The following TNIK variants were observed in gnomAD, a reference collection of about 807,000 sequenced individuals.
TNIK encodes TRAF2 and NCK interacting kinase.
Under a neutral mutation model 191.3 loss-of-function variants are expected in TNIK, and 49 were observed. The ratio of observed to expected loss-of-function variants is 0.26; its 90% confidence interval spans 0.20 to 0.32. The LOEUF is 0.32. TNIK is among the 10% of genes least tolerant of loss of function. The probability of loss-of-function intolerance (pLI) is 1.00; values close to 1 mark genes in which losing one functional copy is unlikely to be tolerated. For synonymous variants in TNIK, 594 were observed against 600.9 expected (o/e 0.99, Z 0.17); for missense variants, 1,155 against 1,702.3 (o/e 0.68, Z 5.66).
At chr3:171,075,692 A>G (rs1430652234) in intron 28 of TNIK, among the ~76,000 whole-genome samples, 6 of 151,626 alleles carry the variant, frequency 4.0e-5, no homozygotes, top group African/African-American at 1.5e-4. Context: ...CTCTGGCCAC[A>G]TACGTTTACA....
chr3:171,259,457 G>C (rs1389748763), intron 2 of TNIK, among the ~76,000 whole-genome samples: 1 of 152,132 alleles, frequency 6.6e-6, no homozygotes, highest in East Asian at 1.9e-4. Flanking sequence ...GTCCAGTCAG[G>C]ACCACTGAAG....
chr3:171,292,775 C>CAAAAAAAAAAA (rs59314303), intron 2 of TNIK, among the ~76,000 whole-genome samples: 3 of 85,056 alleles, frequency 3.5e-5, no homozygotes, highest in Non-Finnish European at 4.5e-5. Flanking sequence ...GACTCCATCT[C>CAAAAAAAAAAA]AAAAAAAAAA....
At chr3:171,293,568 T>C (rs971268592) in intron 2 of TNIK, among the ~76,000 whole-genome samples, 2 of 152,242 alleles carry the variant, frequency 1.3e-5, no homozygotes, top group Non-Finnish European at 1.5e-5. Flanking sequence ...ACCTTTCTAA[T>C]AGTGGCTAGT....
chr3:171,270,026 TCA>T (rs1748887358), intron 2 of TNIK, among the ~76,000 whole-genome samples: 2 of 152,108 alleles, frequency 1.3e-5, no homozygotes, highest in Admixed American at 1.3e-4. Context: ...GAAAATAAAC[TCA>T]CACACCCACA....
intron 2 of TNIK, among the ~76,000 whole-genome samples, chr3:171,298,469 G>A (rs1442521101): frequency 6.6e-6 from 1 of 152,220 alleles, no homozygotes; most frequent in Non-Finnish European, 1.5e-5. Flanking sequence ...GCCCCTTGCA[G>A]TTATGTCAGA....
At chr3:171,246,552 ATC>A (rs1745613946) in intron 2 of TNIK, among the ~76,000 whole-genome samples, 1 of 152,226 alleles carries the variant, frequency 6.6e-6, no homozygotes, top group Non-Finnish European at 1.5e-5. Context: ...TGTTGAAAGT[ATC>A]TATTATTTAA....
At chr3:171,431,519 G>A (rs950269753) in intron 1 of TNIK, among the ~76,000 whole-genome samples, 8 of 151,984 alleles carry the variant, frequency 5.3e-5, no homozygotes, top group Non-Finnish European at 7.4e-5. Flanking sequence ...TACTGTTCTT[G>A]TAATATTCAA....
chr3:171,386,844 A>G (rs1037786302), intron 1 of TNIK, among the ~76,000 whole-genome samples: 1 of 152,180 alleles, frequency 6.6e-6, no homozygotes, highest in African/African-American at 2.4e-5. Context: ...GTGTTCCAGG[A>G]CCTCTGTTGA....
At chr3:171,300,495 C>A (rs1226856586) in intron 2 of TNIK, among the ~76,000 whole-genome samples, 3 of 151,882 alleles carry the variant, frequency 2.0e-5, no homozygotes, top group Non-Finnish European at 2.9e-5. Context: ...ATAAGACCTA[C>A]AAATATGCTG....
chr3:171,130,092 CTGTT>C (rs1245269812), intron 15 of TNIK, among the ~76,000 whole-genome samples: 2 of 152,176 alleles, frequency 1.3e-5, no homozygotes, highest in Non-Finnish European at 2.9e-5. Context: ...ATATTCATGT[CTGTT>C]TGCATATTTT....
chr3:171,287,035 T>C (rs1231470874), intron 2 of TNIK, among the ~76,000 whole-genome samples: 1 of 152,214 alleles, frequency 6.6e-6, no homozygotes, highest in African/African-American at 2.4e-5. Flanking sequence ...AATGTTGTTC[T>C]CATAGAAAAA....
At chr3:171,064,341 TTC>T (rs1463186960) in intron 32 of TNIK, among the ~76,000 whole-genome samples, 1 of 152,184 alleles carries the variant, frequency 6.6e-6, no homozygotes, top group African/African-American at 2.4e-5. Flanking sequence ...GAAGCTTCCC[TTC>T]TCTCACCCTT....
intron 2 of TNIK, among the ~76,000 whole-genome samples, chr3:171,243,706 T>C (rs1410010649): frequency 6.6e-6 from 1 of 152,202 alleles, no homozygotes; most frequent in Non-Finnish European, 1.5e-5. Flanking sequence ...TTTAATGGAT[T>C]TTACTCCTAG....
chr3:171,076,544 C>T (rs1024007660), intron 28 of TNIK, among the ~76,000 whole-genome samples: 2 of 152,302 alleles, frequency 1.3e-5, no homozygotes, highest in African/African-American at 4.8e-5. Flanking sequence ...AGTTCCTCCG[C>T]CGCTCCTTTA....
At chr3:171,115,213 G>A (rs1267895346) in intron 18 of TNIK, among the ~76,000 whole-genome samples, 2 of 152,208 alleles carry the variant, frequency 1.3e-5, no homozygotes, top group African/African-American at 4.8e-5. Flanking sequence ...GGTGATAAAT[G>A]CTCTGAGTTT....
chr3:171,151,378 A>G (rs577555212), intron 12 of TNIK, among the ~76,000 whole-genome samples: 2 of 152,350 alleles, frequency 1.3e-5, no homozygotes, highest in East Asian at 3.9e-4. Context: ...TAAATCCAAA[A>G]AGGTTTTACT....
intron 1 of TNIK, among the ~76,000 whole-genome samples, chr3:171,380,048 C>G (rs1213027087): frequency 6.6e-6 from 1 of 151,436 alleles, no homozygotes; most frequent in African/African-American, 2.4e-5. Context: ...CACACACACA[C>G]ACACACACAC....
At chr3:171,435,040 T>G (rs1471301306) in intron 1 of TNIK, among the ~76,000 whole-genome samples, 1 of 152,196 alleles carries the variant, frequency 6.6e-6, no homozygotes, top group Non-Finnish European at 1.5e-5. Context: ...AGATGCTCAA[T>G]AATGTAGGGA....
At position 171,373,307 on chromosome 3, in the gene TNIK, C is replaced by A. The variant is rs528360151; in HGVS notation, c.58-3622G>T. 3.9e-3 allele frequency among the ~76,000 whole-genome samples: 591 copies of A among 151,900 alleles called. 3 individuals are homozygous for A. The highest frequency in any genetic ancestry group is 0.013 in the African/African-American group (526 of 41,428). The stretch of plus-strand genomic sequence containing the variant: ...CTCCTGTTGAAAATATATCCCTCCA[C>A]CATCTTCTATCATACCTCTTAGTCT... On this transcript the variant is annotated intron_variant, in intron 1 of 32. Coordinates refer to ENST00000436636, the MANE Select transcript of TNIK (RefSeq NM_015028.4).
Sources: gnomAD v4.1 joint callset for allele counts (sites outside exome capture counted in the v4.1 genomes callset) on GRCh38, gnomAD v4.1.1 for gene constraint, MANE v1.5 for transcripts, NCBI Gene and HGNC (gene_info 2026-07-23, HGNC 2026-07-21) for gene names.